ZHX1: variants seen among roughly 807,000 people sequenced by gnomAD.
ZHX1 encodes the protein zinc fingers and homeoboxes 1, also known as zinc fingers and homeoboxes protein 1.
In ZHX1, 20 loss-of-function variants were observed where a neutral mutation model predicts 61.8. The ratio of observed to expected loss-of-function variants is 0.32; its 90% CI spans 0.23 to 0.47. ZHX1 has a LOEUF of 0.47. Ranked by LOEUF, ZHX1 falls within the 20% of genes least tolerant of loss-of-function variation. The pLI is 1.00. For missense variants in ZHX1, 800 were observed against 1,034.8 expected (o/e 0.77, Z 3.11); for synonymous variants, 318 against 352.6 (o/e 0.90, Z 1.10).
Position 123,253,893 on chromosome 8 carries a change from G to A in ZHX1, c.2054C>T (p.Pro685Leu). Residue 685 changes from proline (P) to leucine (L), a missense_variant, in exon 3 of 4, where the codon CCA becomes CTA. By Grantham distance (98) the Pro-to-Leu change is moderately conservative. Coordinates refer to ENST00000395571, the MANE Select transcript of ZHX1 (RefSeq NM_007222.5). ...CAACTTGTCATACTCTTCTGGTGAT[G>A]GCCACTGTGTCCGGACAAATGCACT... ...LKSAFVRTQWPSPEEYDKLAK... is the reference protein window; with the variant it reads ...LKSAFVRTQWLSPEEYDKLAK... 6.2e-7 allele frequency: 1 copy of A among 1,614,188 alleles called. No individual in the cohort carries two copies. Among genetic ancestry groups the A allele is most frequent in the African/African-American group, 1.3e-5 (1 of 75,048 alleles).
rs1277241721 is a variant in ZHX1 at position 123,253,634 on chromosome 8, CCT to C, written c.2311_2312del (p.Arg771GlyfsTer8). On this transcript the variant is annotated frameshift_variant, in exon 3 of 4. Coordinates refer to ENST00000395571, the MANE Select transcript of ZHX1 (RefSeq NM_007222.5). LOFTEE classifies it high-confidence loss of function. ...TTTTAAATTTTATGAGTGATGGTCC[CCT>C]GTCCCAGTTGTTAATTCTTTTGCTT... ...RGSKRINNWDRGPSLIKFKTG... is the reference protein window; with the variant it reads ...RGSKRINNWDXGPSLIKFKTG... 2 of 1,614,070 alleles carry C rather than the reference CCT, an allele frequency of 1.2e-6. No homozygotes were observed. The highest frequency in any genetic ancestry group is 1.3e-5 in the African/African-American group (1 of 74,926).
At chr8:123,267,782 A>T (rs558928017) in intron 1 of ZHX1, among the ~76,000 whole-genome samples, 1 of 152,300 alleles carries the variant, frequency 6.6e-6, no homozygotes, top group Non-Finnish European at 1.5e-5. Context: ...CCGGCGGATC[A>T]CCTGAGGTTG....
chr8:123,251,704 A>C (rs1825923852), intron 3 of ZHX1, among the ~76,000 whole-genome samples: 1 of 152,344 alleles, frequency 6.6e-6, no homozygotes, highest in African/African-American at 2.4e-5. Context: ...CTGGGTCAGA[A>C]GAAAGCCTGC....
Position 123,255,988 on chromosome 8 carries a change from T to A in ZHX1, c.-42A>T. The A allele has an allele frequency of 6.5e-7, 1 of 1,540,102 alleles. No homozygotes were observed. Among genetic ancestry groups the A allele is most frequent in the South Asian group, 1.3e-5 (1 of 78,410 alleles). On this transcript the variant is annotated 5_prime_UTR_variant, in exon 3 of 4. It removes an upstream start codon present in the reference 5' UTR. Coordinates refer to ENST00000395571, the MANE Select transcript of ZHX1 (RefSeq NM_007222.5). ...AAAGCTCAGTGGTGATTAAAAAGCA[T>A]CGAGGCTTAAAACTGTTCAGTGTTC...
intron 2 of ZHX1, among the ~76,000 whole-genome samples, chr8:123,263,957 G>T (rs914112520): frequency 1.3e-5 from 2 of 152,018 alleles, no homozygotes; most frequent in African/African-American, 4.8e-5. Context: ...GATTACTTTC[G>T]ATGGTAAAAT....
intron 3 of ZHX1, chr8:123,252,715 T>G (rs1825953796): frequency 6.6e-6 from 1 of 152,082 alleles, no homozygotes; most frequent in Non-Finnish European, 1.5e-5. Flanking sequence ...AGTAATTTTA[T>G]AAATTACTAA....
In ZHX1 at chr8:123,255,116, G is replaced by C; in HGVS notation, c.831C>G (p.Pro277=). Residue 277 remains proline (P), a synonymous_variant, in exon 3 of 4, where the codon CCC becomes CCG. Transcript: ENST00000395571. The part of the protein sequence containing the change: ...VSAQQNSNLI[P]KVLIPVNSIP... ...TGCTATTAACAGGGATTAAGACTTT[G>C]GGAATCAAATTAGAATTCTGCTGAG... 1 of 1,614,148 alleles carries C rather than the reference G, an allele frequency of 6.2e-7. No homozygotes were observed. The highest frequency in any genetic ancestry group is 8.5e-7 in the Non-Finnish European group (1 of 1,180,018).
At position 123,255,974 on chromosome 8, in the gene ZHX1, G is replaced by A; in HGVS notation, c.-28C>T. The stretch of plus-strand genomic sequence containing the variant: ...TGATGTTATGAGGAAAAGCTCAGTG[G>A]TGATTAAAAAGCATCGAGGCTTAAA... On this transcript the variant is annotated 5_prime_UTR_variant, in exon 3 of 4. Coordinates refer to ENST00000395571, the MANE Select transcript of ZHX1 (RefSeq NM_007222.5). The A allele has an allele frequency of 6.4e-7, 1 of 1,563,362 alleles. No individual in the cohort carries two copies. The highest frequency in any genetic ancestry group is 2.0e-5 in the Admixed American group (1 of 51,142).
In ZHX1 at chr8:123,255,789, T is replaced by A; in HGVS notation, c.158A>T (p.His53Leu). ...AESISSDEEV[H>L]ESVDSDNQQN... ...CTGATTGTCTGAATCCACAGATTCA[T>A]GAACCTCTTCATCACTTGAGATACT... Residue 53 changes from histidine to leucine, a missense_variant, in exon 3 of 4, where the codon CAT becomes CTT. By Grantham distance (99) the His-to-Leu change is moderately conservative. Coordinates refer to ENST00000395571, the MANE Select transcript of ZHX1 (RefSeq NM_007222.5). 1 of 1,614,150 alleles carries A rather than the reference T, an allele frequency of 6.2e-7. No homozygotes were observed. The highest frequency in any genetic ancestry group is 8.5e-7 in the Non-Finnish European group (1 of 1,180,046).
In ZHX1 at chr8:123,249,047, T is replaced by A. The variant is rs1003574619; in HGVS notation, c.*1277A>T. 2.0e-5 allele frequency: 3 copies of A among 152,606 alleles called. No individual in the cohort carries two copies. Among genetic ancestry groups the A allele is most frequent in the Admixed American group, 6.5e-5 (1 of 15,286 alleles). 9.5% of individuals were successfully genotyped at this position (152,606 alleles called of 1,614,324 possible). ...TAACATTTTCAATGGCTGAAAAACATTTAACCAAGAGCTTAATATTTATTA... is the reference window on the plus strand; with the variant it reads ...TAACATTTTCAATGGCTGAAAAACAATTAACCAAGAGCTTAATATTTATTA... On this transcript the variant is annotated 3_prime_UTR_variant, in exon 4 of 4. Coordinates refer to ENST00000395571, the MANE Select transcript of ZHX1 (RefSeq NM_007222.5).
intron 2 of ZHX1, among the ~76,000 whole-genome samples, chr8:123,265,515 T>A (rs1165959641): frequency 6.6e-6 from 1 of 152,120 alleles, no homozygotes; most frequent in Non-Finnish European, 1.5e-5. Flanking sequence ...AAACAAAAGG[T>A]ATCCACCGTG....
In ZHX1 at chr8:123,255,219, T is replaced by C. The variant is rs771561714; in HGVS notation, c.728A>G (p.His243Arg). 3 of 1,614,216 alleles carry C rather than the reference T, an allele frequency of 1.9e-6. No individual in the cohort carries two copies. Among genetic ancestry groups the C allele is most frequent in the East Asian group, 4.5e-5 (2 of 44,894 alleles). Residue 243 changes from histidine (H) to arginine (R), a missense_variant, in exon 3 of 4, where the codon CAT becomes CGT. By Grantham distance (29) the His-to-Arg change is conservative. Transcript: ENST00000395571. ...NTSTSIVNRI[H>R]PSTASTVVTP... is the part of the protein sequence containing the mutation. ...CACTACCGTGCTGGCAGTACTTGGA[T>C]GTATTCTGTTTACAATGGAAGTACT...
Position 123,254,465 on chromosome 8 carries a change from A to G in ZHX1, c.1482T>C (p.Ile494=), listed in dbSNP as rs1212625567. ...LKNQFPHDSE[I]IRLMKITGLT... Reference sequence around the variant, plus strand: ...GGCCTGTTATTTTCATAAGTCTGATAATTTCTGAATCATGGGGAAACTGAT... The same window carrying G: ...GGCCTGTTATTTTCATAAGTCTGATGATTTCTGAATCATGGGGAAACTGAT... The change falls in exon 3 of 4, where the codon ATT becomes ATC. Residue 494 remains isoleucine, a synonymous_variant. Transcript: ENST00000395571. This position sits in a 1 kb window ranked among gnomAD's most constrained non-coding sequence, Gnocchi z 4.1. 1 of 1,614,066 alleles carries G rather than the reference A, an allele frequency of 6.2e-7. No individual in the cohort carries two copies. Among genetic ancestry groups the G allele is most frequent in the Non-Finnish European group, 8.5e-7 (1 of 1,179,994 alleles).
chr8:123,273,500 C>T (rs1029071519), intron 1 of ZHX1, among the ~76,000 whole-genome samples: 10 of 152,136 alleles, frequency 6.6e-5, no homozygotes, highest in Non-Finnish European at 1.3e-4. Flanking sequence ...CCCAGGGCTT[C>T]GTCACAATCG....
chr8:123,274,838 C>T, upstream of ZHX1, among the ~76,000 whole-genome samples: 1 of 152,182 alleles, frequency 6.6e-6, no homozygotes, highest in East Asian at 1.9e-4. Context: ...GGTAAGCATG[C>T]TGGCTTCTAC....
chr8:123,254,148 C>T lies in ZHX1; in HGVS notation c.1799G>A (p.Arg600Lys), dbSNP rs753111689. 2 of 1,614,132 alleles carry T rather than the reference C, an allele frequency of 1.2e-6. No individual in the cohort carries two copies. The highest frequency in any genetic ancestry group is 1.7e-5 in the Admixed American group (1 of 60,016). The change falls in exon 3 of 4, where the codon AGG (arginine) becomes AAG (lysine). Residue 600 changes from arginine to lysine, a missense_variant. Transcript: ENST00000395571. The surrounding 1 kb of genome is among the most constrained non-coding windows in gnomAD (Gnocchi z 4.1). ...GGTAAGTTTGGTTTGTGCCCTTAAC[C>T]TATTTAATTCTTCATCTGTAAGTAC... The part of the protein sequence containing the change: ...SSVLTDEELN[R>K]LRAQTKLTRR...
At chr8:123,263,888 C>CCTT (rs1200175525) in intron 2 of ZHX1, among the ~76,000 whole-genome samples, 1 of 152,060 alleles carries the variant, frequency 6.6e-6, no homozygotes, top group Non-Finnish European at 1.5e-5. Flanking sequence ...ATACATTTTA[C>CCTT]TTCATTAAAC....
chr8:123,254,538 T>C lies in ZHX1; in HGVS notation c.1409A>G (p.Lys470Arg). 6.2e-7 allele frequency: 1 copy of C among 1,614,022 alleles called. No individual in the cohort carries two copies. The highest frequency in any genetic ancestry group is 8.5e-7 in the Non-Finnish European group (1 of 1,179,986). ...VNPDSFGIRA[K>R]KTKEQLAELK... ...TTCTGCCAGTTGCTCTTTTGTCTTT[T>C]TTGCCCGAATGCCAAATGAATCAGG... Residue 470 changes from lysine (K) to arginine (R), a missense_variant, in exon 3 of 4, where the codon AAA becomes AGA. Physicochemically the swap from Lys to Arg is conservative, Grantham distance 26. Transcript: ENST00000395571. This position sits in a 1 kb window ranked among gnomAD's most constrained non-coding sequence, Gnocchi z 4.1.
rs567463817 is a variant in ZHX1, at chr8:123,261,868, G to A, written c.-226+5405C>T. 4.6e-5 allele frequency among the ~76,000 whole-genome samples: 7 copies of A among 152,160 alleles called. No homozygotes were observed. In the South Asian group the frequency reaches 1.5e-3, roughly 32 times the overall value. On this transcript the variant is annotated intron_variant, in intron 2 of 3. Coordinates refer to ENST00000395571, the MANE Select transcript of ZHX1 (RefSeq NM_007222.5). ...AAATGCACAAAAATTGGATGAAAAA[G>A]TAAAAGTAAAAATACAGAATAAGAA... is the stretch of plus-strand genomic sequence containing the variant.
Sources: allele counts gnomAD v4.1 joint callset (sites outside exome capture counted in the v4.1 genomes callset), GRCh38; gene constraint gnomAD v4.1.1; non-coding constraint Gnocchi (gnomAD v3.1); transcripts MANE v1.5; gene names NCBI Gene and HGNC (gene_info 2026-07-23, HGNC 2026-07-21).